The following TRDN variants were observed in gnomAD, a reference collection of about 807,000 sequenced individuals.
TRDN encodes triadin.
TRDN carries 161 observed loss-of-function variants against 149.7 expected under a neutral mutation model. The observed-to-expected ratio is 1.08, with a 90% CI of 0.95 to 1.23. The LOEUF (loss-of-function observed/expected upper bound fraction) is 1.23. Ranked by LOEUF, TRDN falls within the 50% of genes most tolerant of loss-of-function variation. The pLI is 0.00. For missense variants in TRDN, 896 were observed against 823.5 expected, an observed-to-expected ratio of 1.09 and a Z score of -1.08; for synonymous variants, 294 against 250.5, an observed-to-expected ratio of 1.17 and a Z score of -1.64.
chr6:123,324,643 T>C (rs1389027647), intron 23 of TRDN, among the ~76,000 whole-genome samples: 1 of 144,612 alleles, frequency 6.9e-6, no homozygotes, highest in Non-Finnish European at 1.5e-5. Context: ...GGAATGAATA[T>C]TGGAGCTCTA....
At chr6:123,226,854 G>A (rs137983734) in intron 38 of TRDN, among the ~76,000 whole-genome samples, 1 of 151,936 alleles carries the variant, frequency 6.6e-6, no homozygotes, top group African/African-American at 2.4e-5. Flanking sequence ...ATTTTAAAGA[G>A]TGACCTGCTT....
intron 1 of TRDN, among the ~76,000 whole-genome samples, chr6:123,609,734 CT>C (rs1264679464): frequency 3.3e-5 from 5 of 152,152 alleles, no homozygotes; most frequent in African/African-American, 1.2e-4. Flanking sequence ...ACTTTTGTCC[CT>C]AGCCTATGGG....
chr6:123,223,168 T>C (rs1239484073), intron 39 of TRDN, among the ~76,000 whole-genome samples: 1 of 151,700 alleles, frequency 6.6e-6, no homozygotes, highest in Non-Finnish European at 1.5e-5. Context: ...GTCATTATCC[T>C]TGGCAAACTA....
intron 1 of TRDN, among the ~76,000 whole-genome samples, chr6:123,636,047 G>A (rs1397737197): frequency 2.6e-5 from 4 of 151,748 alleles, no homozygotes; most frequent in African/African-American, 9.7e-5. Flanking sequence ...CCATTTAGAG[G>A]AAAATGAAGA....
chr6:123,382,812 C>A (rs1285568064), intron 14 of TRDN, among the ~76,000 whole-genome samples: 23 of 151,804 alleles, frequency 1.5e-4, no homozygotes, highest in Non-Finnish European at 1.5e-5. Flanking sequence ...TTATTATTTT[C>A]TATTATTTAG....
chr6:123,574,950 G>A (rs941979225), intron 1 of TRDN, among the ~76,000 whole-genome samples: 4 of 143,000 alleles, frequency 2.8e-5, no homozygotes, highest in African/African-American at 5.1e-5. Context: ...ATTCAGAAAT[G>A]CAAGCTCTGA....
chr6:123,576,190 G>A (rs1233385883), intron 1 of TRDN, among the ~76,000 whole-genome samples: 1 of 152,048 alleles, frequency 6.6e-6, no homozygotes, highest in Non-Finnish European at 1.5e-5. Flanking sequence ...CAAAATACAT[G>A]CATGTAAATA....
intron 24 of TRDN, among the ~76,000 whole-genome samples, chr6:123,289,550 C>T (rs1777924401): frequency 6.6e-6 from 1 of 152,120 alleles, no homozygotes; most frequent in African/African-American, 2.4e-5. Flanking sequence ...TCAGACACTT[C>T]CACTAGCGTG....
intron 1 of TRDN, among the ~76,000 whole-genome samples, chr6:123,580,398 CA>C (rs751082058): frequency 6.6e-6 from 1 of 151,980 alleles, no homozygotes; most frequent in African/African-American, 2.4e-5. Context: ...TTAGAACCCC[CA>C]AAAAACACTT....
At chr6:123,335,693 A>G (rs1779835198) in intron 22 of TRDN, among the ~76,000 whole-genome samples, 1 of 151,912 alleles carries the variant, frequency 6.6e-6, no homozygotes, top group South Asian at 2.1e-4. Flanking sequence ...GTAGCTTTGG[A>G]GTTAAGCCCC....
chr6:123,227,596 T>C (rs904565487), intron 38 of TRDN, among the ~76,000 whole-genome samples: 9 of 151,984 alleles, frequency 5.9e-5, no homozygotes, highest in Non-Finnish European at 1.0e-4. Context: ...TGTGAGATCA[T>C]CACTTTTAAT....
Position 123,530,127 on chromosome 6 carries a change from T to C in TRDN, c.484+379A>G, listed in dbSNP as rs115566479. 4.8e-3 allele frequency among the ~76,000 whole-genome samples: 723 copies of C among 152,062 alleles called. 6 individuals carry two copies. Among genetic ancestry groups the C allele is most frequent in the African/African-American group, 0.017 (686 of 41,496 alleles). ...ATTTCTACACCAAAGATTGTAAAGA[T>C]ATTGCATGACAGAAGGAATTCAGGT... On this transcript the variant is annotated intron_variant, in intron 5 of 40. Coordinates refer to ENST00000334268, the MANE Select transcript of TRDN (RefSeq NM_006073.4).
At chr6:123,247,767 C>G (rs1328491012) in intron 38 of TRDN, among the ~76,000 whole-genome samples, 1 of 152,130 alleles carries the variant, frequency 6.6e-6, no homozygotes, top group Non-Finnish European at 1.5e-5. Context: ...TCATATGGAA[C>G]CAGAAAAGAG....
At chr6:123,341,070 T>C (rs898452597) in intron 21 of TRDN, among the ~76,000 whole-genome samples, 36 of 151,890 alleles carry the variant, frequency 2.4e-4, no homozygotes, top group Admixed American at 2.3e-3. Flanking sequence ...TTCAATCTAC[T>C]ACAAACTCCA....
intron 38 of TRDN, among the ~76,000 whole-genome samples, chr6:123,225,871 C>G (rs114004193): frequency 2.6e-5 from 4 of 151,562 alleles, no homozygotes; most frequent in African/African-American, 9.7e-5. Context: ...TGCAATATAA[C>G]GGAATGATGC....
chr6:123,577,005 G>A (rs969285601), intron 1 of TRDN, among the ~76,000 whole-genome samples: 2 of 152,046 alleles, frequency 1.3e-5, no homozygotes, highest in Non-Finnish European at 2.9e-5. Flanking sequence ...TCATAAGGTA[G>A]GGGGAAAGTG....
chr6:123,501,107 A>G (rs1329797472), intron 8 of TRDN, among the ~76,000 whole-genome samples: 1 of 151,836 alleles, frequency 6.6e-6, no homozygotes, highest in African/African-American at 2.4e-5. Flanking sequence ...GTAGGTGTGT[A>G]TATACATATG....
chr6:123,539,499 C>T (rs1451417899), intron 4 of TRDN, among the ~76,000 whole-genome samples: 1 of 152,176 alleles, frequency 6.6e-6, no homozygotes, highest in Admixed American at 6.5e-5. Context: ...TTTTGTTTTA[C>T]AGGTGTGAGA....
intron 20 of TRDN, among the ~76,000 whole-genome samples, chr6:123,353,966 G>C (rs912518472): frequency 9.9e-5 from 15 of 151,708 alleles, no homozygotes; most frequent in Non-Finnish European, 2.1e-4. Flanking sequence ...TCTTTATTTT[G>C]CTGTTTTTGT....
Sources: gnomAD v4.1 joint callset for allele counts (sites outside exome capture counted in the v4.1 genomes callset) on GRCh38, gnomAD v4.1.1 for gene constraint, MANE v1.5 for transcripts, NCBI Gene and HGNC (gene_info 2026-07-23, HGNC 2026-07-21) for gene names.